ZNF729: variants seen among roughly 807,000 people sequenced by gnomAD.
ZNF729 encodes the protein zinc finger protein 729.
Under a neutral mutation model 12.2 loss-of-function variants are expected in ZNF729, and 15 were observed. The ratio of observed to expected loss-of-function variants is 1.23; its 90% CI spans 0.82 to 1.89. The LOEUF is 1.89. ZNF729 is among the 40% of genes most tolerant of loss of function. The probability of loss-of-function intolerance (pLI) is 0.00; values close to 1 mark genes in which losing one functional copy is unlikely to be tolerated. For synonymous variants in ZNF729, 492 were observed against 476.3 expected, an observed-to-expected ratio of 1.03 and a Z score of -0.43; for missense variants, 1,540 against 1,456.7, an observed-to-expected ratio of 1.06 and a Z score of -0.93.
intron 1 of ZNF729, 52 bp downstream of exon 1, chr19:22,286,607 C>A: frequency 6.2e-7 from 1 of 1,611,872 alleles, no homozygotes; most frequent in Non-Finnish European, 8.5e-7. Flanking sequence ...TGATTGGAAC[C>A]GGTGGGAAGT....
chr19:22,310,630 C>T (rs1968439690), intron 3 of ZNF729, among the ~76,000 whole-genome samples: 1 of 152,112 alleles, frequency 6.6e-6, no homozygotes, highest in Admixed American at 6.5e-5. Flanking sequence ...CATCTATTTT[C>T]ATCAGGGACA....
chr19:22,308,754 A>G (rs1339351832), intron 3 of ZNF729, among the ~76,000 whole-genome samples: 1 of 152,010 alleles, frequency 6.6e-6, no homozygotes, highest in African/African-American at 2.4e-5. Flanking sequence ...AGTGCATTGT[A>G]GATTCCAGAT....
Position 22,315,209 on chromosome 19 carries a change from A to G in ZNF729, c.1792A>G (p.Lys598Glu). ...ACATAAGGTAATTCATACTAGGGAG[A>G]AATTGTACAAATGTGAAGAATGTGG... ...RKHKVIHTRE[K>E]LYKCEECGKA... Residue 598 changes from lysine to glutamate, a missense_variant, in exon 4 of 4, where the codon AAA becomes GAA. Coordinates refer to ENST00000601693, the MANE Select transcript of ZNF729 (RefSeq NM_001242680.2). 1 of 1,612,048 alleles carries G rather than the reference A, an allele frequency of 6.2e-7. No homozygotes were observed. Among genetic ancestry groups the G allele is most frequent in the Non-Finnish European group, 8.5e-7 (1 of 1,179,350 alleles).
chr19:22,313,906 T>C lies in ZNF729; in HGVS notation c.489T>C (p.Phe163=), dbSNP rs537642567. ...IFQCNKHMKV[F]HKYSNRNKVR... Reference sequence around the variant, plus strand: ...AGTGTAACAAACATATGAAAGTCTTTCATAAATATTCAAATAGAAATAAGG... The same window carrying C: ...AGTGTAACAAACATATGAAAGTCTTCCATAAATATTCAAATAGAAATAAGG... The change falls in exon 4 of 4, where the codon TTT becomes TTC. Residue 163 remains phenylalanine (F), a synonymous_variant. Transcript: ENST00000601693. 2.6e-6 allele frequency: 4 copies of C among 1,529,436 alleles called. No individual in the cohort carries two copies. The highest frequency in any genetic ancestry group is 4.9e-5 in the East Asian group (2 of 41,164). The allele number at this position is 1,529,436 out of a possible 1,614,324, so 94.7% of individuals were successfully genotyped here.
intron 3 of ZNF729, among the ~76,000 whole-genome samples, chr19:22,305,911 C>T (rs1968372195): frequency 1.3e-5 from 2 of 152,022 alleles, no homozygotes; most frequent in South Asian, 4.1e-4. Context: ...TCAGATAATC[C>T]TCTAGTTTCA....
At chr19:22,300,078 T>C (rs1474960579) in intron 1 of ZNF729, among the ~76,000 whole-genome samples, 1 of 152,208 alleles carries the variant, frequency 6.6e-6, no homozygotes, top group Non-Finnish European at 1.5e-5. Flanking sequence ...AAGATAGCAC[T>C]CTATTCAACC....
chr19:22,286,470 G>T lies in ZNF729; in HGVS notation c.-56G>T, dbSNP rs1968078088. 4 of 1,609,780 alleles carry T rather than the reference G, an allele frequency of 2.5e-6. No individual in the cohort carries two copies. The East Asian group carries it at 8.9e-5, about 36-fold the overall frequency. ...TTCCCGGTCTCGCCTTCACTGCTGT[G>T]TGTCCTCAGCCTCTGTGGCCCTGTA... On this transcript the variant is annotated 5_prime_UTR_variant, in exon 1 of 4. Transcript: ENST00000601693.
chr19:22,313,114 T>C (rs1456310935), intron 3 of ZNF729, among the ~76,000 whole-genome samples: 3 of 151,506 alleles, frequency 2.0e-5, no homozygotes, highest in Non-Finnish European at 4.4e-5. Context: ...TGGAGTGCAC[T>C]AGCATAATCT....
At chr19:22,298,219 C>T (rs1968257555) in intron 1 of ZNF729, among the ~76,000 whole-genome samples, 1 of 151,854 alleles carries the variant, frequency 6.6e-6, no homozygotes, top group African/African-American at 2.4e-5. Context: ...GAATATAAGG[C>T]CAAAACATTT....
chr19:22,302,063 AAG>A (rs1968314636), intron 1 of ZNF729, among the ~76,000 whole-genome samples: 1 of 152,312 alleles, frequency 6.6e-6, no homozygotes, highest in Non-Finnish European at 1.5e-5. Context: ...AAGCTGACAA[AAG>A]TGGTTAATTC....
At chr19:22,296,627 TA>T (rs1229919685) in intron 1 of ZNF729, among the ~76,000 whole-genome samples, 1 of 152,162 alleles carries the variant, frequency 6.6e-6, no homozygotes, top group Non-Finnish European at 1.5e-5. Flanking sequence ...CTTATTTATT[TA>T]TTTTTTTTGT....
At chr19:22,304,622 T>C in intron 2 of ZNF729, 66 bp from the exon 3 acceptor site, 1 of 1,335,688 alleles carries the variant, frequency 7.5e-7, no homozygotes, top group Non-Finnish European at 1.0e-6. Flanking sequence ...TATTACATTC[T>C]CTTTAATGAG....
At chr19:22,291,011 T>G (rs1968144731) in intron 1 of ZNF729, among the ~76,000 whole-genome samples, 1 of 152,120 alleles carries the variant, frequency 6.6e-6, no homozygotes, top group South Asian at 2.1e-4. Flanking sequence ...GATGGGTCTA[T>G]GGGGTTTGTG....
At chr19:22,298,314 A>G (rs1447560973) in intron 1 of ZNF729, among the ~76,000 whole-genome samples, 1 of 152,100 alleles carries the variant, frequency 6.6e-6, no homozygotes, top group Non-Finnish European at 1.5e-5. Flanking sequence ...ACATATAAAA[A>G]ATATAGTGTT....
rs772481786 is a variant in ZNF729 at position 22,314,784 on chromosome 19, G to A, written c.1367G>A (p.Gly456Glu). 2 of 1,613,612 alleles carry A rather than the reference G, an allele frequency of 1.2e-6. No homozygotes were observed. Among genetic ancestry groups the A allele is most frequent in the Non-Finnish European group, 1.7e-6 (2 of 1,179,886 alleles). The change falls in exon 4 of 4, where the codon GGG becomes GAG. Residue 456 changes from glycine to glutamate, a missense_variant. Gly to Glu is a moderately conservative substitution (Grantham distance 98). Transcript: ENST00000601693. ...ATGAAACATAAGATAATTCATACTGGGGAGAAACCATACAAATGTGAAGAA... is the reference window on the plus strand; with the variant it reads ...ATGAAACATAAGATAATTCATACTGAGGAGAAACCATACAAATGTGAAGAA... ...TLMKHKIIHT[G>E]EKPYKCEECG... is the part of the protein sequence containing the mutation.
At chr19:22,289,322 T>C (rs1968122869) in intron 1 of ZNF729, among the ~76,000 whole-genome samples, 1 of 151,024 alleles carries the variant, frequency 6.6e-6, no homozygotes, top group Non-Finnish European at 1.5e-5. Flanking sequence ...ATCTCCCAGG[T>C]TCAAGTGATT....
intron 1 of ZNF729, among the ~76,000 whole-genome samples, chr19:22,295,837 G>A (rs1968224383): frequency 6.6e-6 from 1 of 152,114 alleles, no homozygotes; most frequent in African/African-American, 2.4e-5. Context: ...AAACATGAAG[G>A]CTGATAAATT....
chr19:22,299,817 A>T (rs1345595592), intron 1 of ZNF729: 13 of 152,274 alleles, frequency 8.5e-5, no homozygotes, highest in Admixed American at 8.5e-4. Context: ...AGTTCTCCCC[A>T]GGAGGCCTGC....
chr19:22,300,983 G>T (rs1012059532), intron 1 of ZNF729, among the ~76,000 whole-genome samples: 1 of 152,090 alleles, frequency 6.6e-6, no homozygotes, highest in Non-Finnish European at 1.5e-5. Flanking sequence ...AAGTCCTTTT[G>T]GTTGTCCAAC....
Sources: allele counts gnomAD v4.1 joint callset (sites outside exome capture counted in the v4.1 genomes callset), GRCh38; gene constraint gnomAD v4.1.1; transcripts MANE v1.5; gene names NCBI Gene and HGNC (gene_info 2026-07-23, HGNC 2026-07-21).